Variants in MNS1 observed in about 807,000 individuals in gnomAD.
MNS1 encodes meiosis specific nuclear structural 1.
A neutral mutation model predicts 72.0 loss-of-function variants in MNS1; 63 were observed. That is an observed-to-expected ratio of 0.87 (90% CI 0.71 to 1.08). The LOEUF is 1.08. Ranked by LOEUF, MNS1 falls within the 50% of genes least tolerant of loss-of-function variation. The pLI is 0.00. For synonymous variants in MNS1, 188 were observed against 172.1 expected (o/e 1.09, Z -0.72); for missense variants, 604 against 562.4 (o/e 1.07, Z -0.75).
intron 3 of MNS1, among the ~76,000 whole-genome samples, chr15:56,450,261 A>G (rs1378196049): frequency 6.6e-6 from 1 of 152,164 alleles, no homozygotes; most frequent in Non-Finnish European, 1.5e-5. Context: ...TCATGTGAAA[A>G]TATATGTAAC....
rs757852998 is a variant in MNS1, at chr15:56,444,467, C to A, written c.663G>T (p.Arg221Ser). ...KEKLMIDEIVRKIYEEDQLEK... is the reference protein window; with the variant it reads ...KEKLMIDEIVSKIYEEDQLEK... ...ACAACTGATCTTCTTCATAGATCTT[C>A]CTAACAATTTCATCAATCATGAGTT... is the stretch of plus-strand genomic sequence containing the variant. Residue 221 changes from arginine (R) to serine (S), a missense_variant, in exon 5 of 10, where the codon AGG (arginine) becomes AGT (serine). Coordinates refer to ENST00000260453, the MANE Select transcript of MNS1 (RefSeq NM_018365.4). 1 of 1,607,458 alleles carries A rather than the reference C, an allele frequency of 6.2e-7. No individual in the cohort carries two copies. Among genetic ancestry groups the A allele is most frequent in the Non-Finnish European group, 8.5e-7 (1 of 1,178,394 alleles).
At position 56,439,261 on chromosome 15, in the gene MNS1, A is replaced by C. The variant is rs143900621; in HGVS notation, c.1011+4169T>G. Among the ~76,000 whole-genome samples the C allele has an allele frequency of 2.8e-3, 419 of 152,276 alleles. 2 individuals are homozygous for C. The highest frequency in any genetic ancestry group is 9.6e-3 in the African/African-American group (401 of 41,572). On this transcript the variant is annotated intron_variant, in intron 7 of 9. Coordinates refer to ENST00000260453, the MANE Select transcript of MNS1 (RefSeq NM_018365.4). ...TGAAACTAGAGAATCCTGATGAAAA[A>C]ATTCAAAGATCTAAATAAAGGGAGA...
intron 9 of MNS1, among the ~76,000 whole-genome samples, chr15:56,430,752 C>T (rs2050567111): frequency 6.6e-6 from 1 of 151,944 alleles, no homozygotes; most frequent in Non-Finnish European, 1.5e-5. Flanking sequence ...CAACCATGTG[C>T]CTATTACTGG....
chr15:56,440,506 C>T (rs2050799288), intron 7 of MNS1, among the ~76,000 whole-genome samples: 1 of 152,082 alleles, frequency 6.6e-6, no homozygotes, highest in East Asian at 1.9e-4. Context: ...TATACAAAAA[C>T]CTTTACCTGA....
At position 56,431,232 on chromosome 15, in the gene MNS1, G is replaced by A. The variant is rs185174237; in HGVS notation, c.1395+141C>T. The A allele has an allele frequency of 3.9e-3, 3,417 of 867,722 alleles. 13 individuals are homozygous for A. The highest frequency in any genetic ancestry group is 5.3e-3 in the Non-Finnish European group (3,032 of 570,408). The allele number at this position is 867,722 out of a possible 1,614,324, so 53.8% of individuals were successfully genotyped here. A position where few individuals can be genotyped will look rare whatever the true frequency, so the allele number is the denominator to read the frequency against. On this transcript the variant is annotated intron_variant, in intron 9 of 9. Transcript: ENST00000260453. ...ACTGAAATGGGCCCAGAGAGGTTCAGTGCCTGGACAGGAGGATCCCATTGC... is the reference window on the plus strand; with the variant it reads ...ACTGAAATGGGCCCAGAGAGGTTCAATGCCTGGACAGGAGGATCCCATTGC...
Position 56,446,839 on chromosome 15 carries a change from A to T in MNS1, c.456+2T>A. ...AAACATAATGACCAGAAACATGATTACCATTTGTTCATATTTAATGGCATC... is the reference window on the plus strand; with the variant it reads ...AAACATAATGACCAGAAACATGATTTCCATTTGTTCATATTTAATGGCATC... On this transcript the variant is annotated splice_donor_variant, in intron 4 of 9. Coordinates refer to ENST00000260453, the MANE Select transcript of MNS1 (RefSeq NM_018365.4). LOFTEE classifies it high-confidence loss of function. 6.3e-7 allele frequency: 1 copy of T among 1,591,130 alleles called. No individual in the cohort carries two copies. The highest frequency in any genetic ancestry group is 8.6e-7 in the Non-Finnish European group (1 of 1,162,766).
intron 3 of MNS1, 127 bp from the exon 4 acceptor site, chr15:56,447,070 C>T: frequency 1.6e-6 from 1 of 641,496 alleles, no homozygotes; most frequent in Non-Finnish European, 2.6e-6. Flanking sequence ...ATTTTAGATC[C>T]ATAGGAGAAA....
Position 56,449,816 on chromosome 15 carries a change from C to T in MNS1, c.354-2873G>A, listed in dbSNP as rs577395903. ...GCTAAGAATTTATCTATTTCATTTA[C>T]ATTTTCAAATTTATTTTCATAAAAT... is the stretch of plus-strand genomic sequence containing the variant. On this transcript the variant is annotated intron_variant, in intron 3 of 9. Transcript: ENST00000260453. 9.2e-5 allele frequency among the ~76,000 whole-genome samples: 14 copies of T among 152,290 alleles called. 1 individual carries two copies. The highest frequency in any genetic ancestry group is 3.4e-4 in the African/African-American group (14 of 41,574).
intron 7 of MNS1, among the ~76,000 whole-genome samples, chr15:56,440,661 C>G (rs1169027165): frequency 6.6e-6 from 1 of 152,016 alleles, no homozygotes; most frequent in Non-Finnish European, 1.5e-5. Context: ...TCAATACAAG[C>G]AACTTGGATG....
At position 56,463,818 on chromosome 15, in the gene MNS1, C is replaced by T. The variant is rs2051039174; in HGVS notation, c.225+208G>A. On this transcript the variant is annotated intron_variant, in intron 2 of 9. Transcript: ENST00000260453. ...AAGTAAAAGCAACTTACTCAAGGGT[C>T]CGTAGCTAAGGTATAGCAGTAGTAG... The T allele has an allele frequency of 1.6e-5, 8 of 515,398 alleles. No individual in the cohort carries two copies. The Admixed American group carries it at 3.0e-4, about 19-fold the overall frequency. 31.9% of individuals were successfully genotyped at this position (515,398 alleles called of 1,614,324 possible).
Position 56,465,100 on chromosome 15 carries a change from C to G in MNS1, c.-128G>C. 1 of 1,311,854 alleles carries G rather than the reference C, an allele frequency of 7.6e-7. No individual in the cohort carries two copies. The highest frequency in any genetic ancestry group is 1.1e-6 in the Non-Finnish European group (1 of 944,762). 81.3% of individuals were successfully genotyped at this position (1,311,854 alleles called of 1,614,324 possible). A position where few individuals can be genotyped will look rare whatever the true frequency, so the allele number is the denominator to read the frequency against. On this transcript the variant is annotated 5_prime_UTR_variant, in exon 1 of 10. Transcript: ENST00000260453. ...CTCGGGTGTTTACGCGGCGTCTTGG[C>G]AACGGTGGAGCTGCGCGCCCTCCGC...
chr15:56,431,472 C>G lies in MNS1; in HGVS notation c.1296G>C (p.Leu432Phe), dbSNP rs776590173. 1 of 1,613,390 alleles carries G rather than the reference C, an allele frequency of 6.2e-7. No individual in the cohort carries two copies. The highest frequency in any genetic ancestry group is 2.2e-5 in the East Asian group (1 of 44,870). Reference protein sequence around the residue: ...DKQRELEEWQLQQRRQGFINA... With the variant: ...DKQRELEEWQFQQRRQGFINA... ...TAATAAATCCTTGCCGCCTTTGCTG[C>G]AACTGCCACTCTTCTAGTTCACGTT... The change falls in exon 9 of 10, where the codon TTG becomes TTC. Residue 432 changes from leucine (L) to phenylalanine (F), a missense_variant. By Grantham distance (22) the Leu-to-Phe change is conservative. Coordinates refer to ENST00000260453, the MANE Select transcript of MNS1 (RefSeq NM_018365.4).
rs184467986 is a variant in MNS1, at chr15:56,439,906, T to C, written c.1011+3524A>G. On this transcript the variant is annotated intron_variant, in intron 7 of 9. Transcript: ENST00000260453. Reference sequence around the variant, plus strand: ...AGAAAAACTGATAAACTGAACTTCATAGAAATGGAGAACATTTGCTCTAAG... The same window carrying C: ...AGAAAAACTGATAAACTGAACTTCACAGAAATGGAGAACATTTGCTCTAAG... Among the ~76,000 whole-genome samples, 879 of 152,104 alleles carry C rather than the reference T, an allele frequency of 5.8e-3. 6 individuals are homozygous for C. The highest frequency in any genetic ancestry group is 9.8e-3 in the Non-Finnish European group (664 of 67,946).
intron 3 of MNS1, among the ~76,000 whole-genome samples, chr15:56,455,177 A>C (rs528651625): frequency 4.0e-5 from 6 of 150,894 alleles, no homozygotes; most frequent in Non-Finnish European, 8.9e-5. Flanking sequence ...CAATTGCTAG[A>C]AGTGAAAATC....
rs764151912 is a variant in MNS1 at position 56,446,835 on chromosome 15, G to C, written c.456+6C>G. On this transcript the variant is annotated splice_donor_region_variant and intron_variant, in intron 4 of 9. Coordinates refer to ENST00000260453, the MANE Select transcript of MNS1 (RefSeq NM_018365.4). Reference sequence around the variant, plus strand: ...CTAAAAACATAATGACCAGAAACATGATTACCATTTGTTCATATTTAATGG... The same window carrying C: ...CTAAAAACATAATGACCAGAAACATCATTACCATTTGTTCATATTTAATGG... 1.8e-5 allele frequency: 29 copies of C among 1,586,292 alleles called. No homozygotes were observed. The South Asian group carries it at 3.1e-4, about 17-fold the overall frequency.
In MNS1 at chr15:56,429,059, G is replaced by T; in HGVS notation, c.*42C>A. 2 of 1,293,562 alleles carry T rather than the reference G, an allele frequency of 1.5e-6. No individual in the cohort carries two copies. The highest frequency in any genetic ancestry group is 1.5e-5 in the African/African-American group (1 of 66,386). 80.1% of individuals were successfully genotyped at this position (1,293,562 alleles called of 1,614,324 possible). On this transcript the variant is annotated 3_prime_UTR_variant, in exon 10 of 10. Coordinates refer to ENST00000260453, the MANE Select transcript of MNS1 (RefSeq NM_018365.4). Reference sequence around the variant, plus strand: ...ACAAAAGTTATGCTGACATCTAGTGGTAACATGCAAAAAATCTATGCTTTA... The same window carrying T: ...ACAAAAGTTATGCTGACATCTAGTGTTAACATGCAAAAAATCTATGCTTTA...
At chr15:56,446,736 C>T (rs1567152157) in intron 4 of MNS1, 105 bp downstream of exon 4, 2 of 748,758 alleles carry the variant, frequency 2.7e-6, no homozygotes, top group Non-Finnish European at 4.2e-6. Flanking sequence ...TTTAAGAAAT[C>T]TAGCAGTGTA....
At chr15:56,462,009 T>G (rs1381640602) in intron 2 of MNS1, among the ~76,000 whole-genome samples, 42 of 103,084 alleles carry the variant, frequency 4.1e-4, no homozygotes, top group African/African-American at 1.2e-3. Flanking sequence ...TTTTTTTTTT[T>G]TGTGGGGTGG....
At chr15:56,450,379 C>T (rs77480592) in intron 3 of MNS1, among the ~76,000 whole-genome samples, 3,451 of 152,178 alleles carry the variant, frequency 0.023, 132 homozygotes, top group African/African-American at 0.078. Context: ...TTCATTCCCC[C>T]CAAAGAGAAA....
Sources: gnomAD v4.1 joint callset for allele counts (sites outside exome capture counted in the v4.1 genomes callset) on GRCh38, gnomAD v4.1.1 for gene constraint, MANE v1.5 for transcripts, NCBI Gene and HGNC (gene_info 2026-07-23, HGNC 2026-07-21) for gene names.